Variants in UBE3A observed in about 807,000 individuals in gnomAD.
UBE3A encodes the protein ubiquitin protein ligase E3A.
In UBE3A, 6 loss-of-function variants were observed where a neutral mutation model predicts 83.4. The observed-to-expected ratio is 0.07, with a 90% confidence interval of 0.04 to 0.14. The LOEUF (loss-of-function observed/expected upper bound fraction) is 0.14, where lower values mean the gene tolerates loss of function less well. Among genes scored for constraint, UBE3A ranks in the 10% least tolerant of loss-of-function variants. UBE3A has a pLI of 1.00. For synonymous variants in UBE3A, 337 were observed against 355.4 expected (o/e 0.95, Z 0.58); for missense variants, 456 against 1,036.1 (o/e 0.44, Z 7.69).
chr15:25,399,604 T>C (rs2086584152), intron 4 of UBE3A, among the ~76,000 whole-genome samples: 1 of 152,162 alleles, frequency 6.6e-6, no homozygotes. Context: ...GGTCTCACGC[T>C]GTCATCCAGG....
At position 25,371,715 on chromosome 15, in the gene UBE3A, A is replaced by G. The variant is rs1566962536; in HGVS notation, c.459T>C (p.Val153=). 3 of 1,613,984 alleles carry G rather than the reference A, an allele frequency of 1.9e-6. No homozygotes were observed. The highest frequency in any genetic ancestry group is 8.5e-7 in the Non-Finnish European group (1 of 1,180,002). ...YSPLIRVIGR[V]FSSAEALVQS... Reference sequence around the variant, plus strand: ...GTACCAATGCCTCAGCACTAGAAAAAACTCTTCCAATAACACGGATTAAAG... The same window carrying G: ...GTACCAATGCCTCAGCACTAGAAAAGACTCTTCCAATAACACGGATTAAAG... Residue 153 remains valine (V), a synonymous_variant, in exon 6 of 13, where the codon GTT becomes GTC. Coordinates refer to ENST00000648336, the MANE Select transcript of UBE3A (RefSeq NM_130839.5). This position sits in a 1 kb window ranked among gnomAD's most constrained non-coding sequence, Gnocchi z 5.3.
intron 4 of UBE3A, among the ~76,000 whole-genome samples, chr15:25,394,503 C>A (rs985395973): frequency 3.3e-5 from 5 of 152,008 alleles, no homozygotes; most frequent in Non-Finnish European, 7.4e-5. Flanking sequence ...TTACTTGACC[C>A]ATAAATGCTT....
chr15:25,357,992 C>T (rs2077478995), intron 7 of UBE3A, among the ~76,000 whole-genome samples: 1 of 150,476 alleles, frequency 6.6e-6, no homozygotes, highest in Non-Finnish European at 1.5e-5. Flanking sequence ...GCTCCGCCTC[C>T]CGGGTTCATG....
chr15:25,382,089 C>G (rs568508227), intron 4 of UBE3A, among the ~76,000 whole-genome samples: 37 of 152,184 alleles, frequency 2.4e-4, no homozygotes, highest in Middle Eastern at 3.2e-3. Context: ...GAGGCCGAGG[C>G]AGGCGGATCA....
chr15:25,365,896 A>G (rs928413109), intron 6 of UBE3A, among the ~76,000 whole-genome samples: 1 of 152,198 alleles, frequency 6.6e-6, no homozygotes, highest in Non-Finnish European at 1.5e-5. Flanking sequence ...AAAGTCTGTT[A>G]TATCTCAAAT....
At chr15:25,382,480 CAGTT>C (rs1245466494) in intron 4 of UBE3A, among the ~76,000 whole-genome samples, 1 of 150,774 alleles carries the variant, frequency 6.6e-6, no homozygotes, top group Non-Finnish European at 1.5e-5. Flanking sequence ...TCATATTTCA[CAGTT>C]AGAAAGGAAG....
chr15:25,383,276 T>C (rs1481289750), intron 4 of UBE3A, among the ~76,000 whole-genome samples: 1 of 152,166 alleles, frequency 6.6e-6, no homozygotes, highest in Admixed American at 6.5e-5. Context: ...ACTGCATTCT[T>C]AGGACAAAAA....
chr15:25,382,397 A>T (rs1039151543), intron 4 of UBE3A, among the ~76,000 whole-genome samples: 21 of 100,676 alleles, frequency 2.1e-4, no homozygotes, highest in East Asian at 6.1e-4. Context: ...GATATATGAT[A>T]AAAAAAAAAG....
At position 25,375,511 on chromosome 15, in the gene UBE3A, G is replaced by C; in HGVS notation, c.315C>G (p.Cys105Trp). Residue 105 changes from cysteine to tryptophan, a missense_variant, in exon 5 of 13, where the codon TGC (cysteine) becomes TGG (tryptophan). This residue lies in a region of UBE3A where 36 missense variants were observed against 28.5 expected (regional missense o/e 1.26). Transcript: ENST00000648336. Reference sequence around the variant, plus strand: ...CTTTCTTGTTCATTTTTATCTCAGAGCAGGAGTTGTTGGGGGCACCTTTCG... The same window carrying C: ...CTTTCTTGTTCATTTTTATCTCAGACCAGGAGTTGTTGGGGGCACCTTTCG... Reference protein sequence around the residue: ...ENSKGAPNNSCSEIKMNKKGA... With the variant: ...ENSKGAPNNSWSEIKMNKKGA... 1 of 1,614,150 alleles carries C rather than the reference G, an allele frequency of 6.2e-7. No individual in the cohort carries two copies. Among genetic ancestry groups the C allele is most frequent in the Non-Finnish European group, 8.5e-7 (1 of 1,180,030 alleles).
intron 11 of UBE3A, among the ~76,000 whole-genome samples, chr15:25,340,764 A>G (rs768829834): frequency 6.6e-6 from 1 of 152,214 alleles, no homozygotes; most frequent in Non-Finnish European, 1.5e-5. Flanking sequence ...AATGCAAACA[A>G]CTACATACCT....
intron 6 of UBE3A, among the ~76,000 whole-genome samples, chr15:25,367,195 T>C (rs545562879): frequency 1.1e-4 from 13 of 117,786 alleles, no homozygotes; most frequent in African/African-American, 2.9e-4. Flanking sequence ...ATGTAAATAT[T>C]TACATATTTG....
At chr15:25,340,473 GA>G (rs1486979035) in intron 11 of UBE3A, among the ~76,000 whole-genome samples, 1 of 152,040 alleles carries the variant, frequency 6.6e-6, no homozygotes, top group Non-Finnish European at 1.5e-5. Flanking sequence ...AAAAAATTGA[GA>G]AAACCCAAGT....
Position 25,367,840 on chromosome 15 carries a change from T to A in UBE3A, c.1608+2726A>T, listed in dbSNP as rs11854361. Among the ~76,000 whole-genome samples, 1,035 of 152,214 alleles carry A rather than the reference T, an allele frequency of 6.8e-3. 13 individuals are homozygous for A. The highest frequency in any genetic ancestry group is 0.024 in the African/African-American group (999 of 41,554). ...AAGCAATGAATATATTTTTCTTTTT[T>A]AAAAAAATCCACAATTATTAATTCA... On this transcript the variant is annotated intron_variant, in intron 6 of 12. Transcript: ENST00000648336.
chr15:25,382,396 T>TAAA (rs111917526), intron 4 of UBE3A, among the ~76,000 whole-genome samples: 2 of 147,338 alleles, frequency 1.4e-5, no homozygotes, highest in South Asian at 2.1e-4. Flanking sequence ...TGATATATGA[T>TAAA]AAAAAAAAAA....
At chr15:25,352,451 A>G (rs1410983507) in intron 11 of UBE3A, among the ~76,000 whole-genome samples, 1 of 152,220 alleles carries the variant, frequency 6.6e-6, no homozygotes, top group East Asian at 1.9e-4. Flanking sequence ...CCCAGTGCTT[A>G]TAAAAGTTAC....
chr15:25,375,976 T>C (rs1427063798), intron 4 of UBE3A, among the ~76,000 whole-genome samples: 2 of 152,130 alleles, frequency 1.3e-5, no homozygotes, highest in Admixed American at 6.6e-5. Context: ...ATAAAGAATG[T>C]CAATGCTTAC....
At chr15:25,339,759 C>T (rs551318323) in intron 12 of UBE3A, 181 of 368,256 alleles carry the variant, frequency 4.9e-4, no homozygotes, top group African/African-American at 3.5e-3. Context: ...AAATGATAAT[C>T]TTCCGAGCCT....
At chr15:25,367,021 A>G (rs2079223781) in intron 6 of UBE3A, among the ~76,000 whole-genome samples, 2 of 151,718 alleles carry the variant, frequency 1.3e-5, no homozygotes, top group African/African-American at 4.8e-5. Context: ...CATGATGGCA[A>G]TACTATATTC....
Position 25,337,274 on chromosome 15 carries a change from G to A in UBE3A, c.*1863C>T, listed in dbSNP as rs1053590280. 1.1e-4 allele frequency: 16 copies of A among 151,900 alleles called. No homozygotes were observed. The highest frequency in any genetic ancestry group is 2.9e-4 in the African/African-American group (12 of 41,352). The allele number at this position is 151,900 out of a possible 1,614,324, so 9.4% of individuals were successfully genotyped here. A position where few individuals can be genotyped will look rare whatever the true frequency, so the allele number is the denominator to read the frequency against. ...TCTTCACGAATTTATTATATAAAAC[G>A]CCCTCAGAGTATTTAATTTCTCCTC... On this transcript the variant is annotated 3_prime_UTR_variant, in exon 13 of 13. Coordinates refer to ENST00000648336, the MANE Select transcript of UBE3A (RefSeq NM_130839.5).
Sources: gnomAD v4.1 joint callset for allele counts (sites outside exome capture counted in the v4.1 genomes callset) on GRCh38, gnomAD v4.1.1 for gene constraint, gnomAD v4.1.1 regional missense constraint, Gnocchi (gnomAD v3.1) non-coding constraint, MANE v1.5 for transcripts, NCBI Gene and HGNC (gene_info 2026-07-23, HGNC 2026-07-21) for gene names.